CDK14: variants seen among roughly 807,000 people sequenced by gnomAD.
The protein encoded by CDK14 is cyclin dependent kinase 14.
A neutral mutation model predicts 60.7 loss-of-function variants in CDK14; 34 were observed. That is an observed-to-expected ratio of 0.56 (90% CI 0.43 to 0.75). The LOEUF is 0.75. Among genes scored for constraint, CDK14 ranks in the 30% least tolerant of loss-of-function variants. The pLI is 0.00. For synonymous variants in CDK14, 197 were observed against 203.7 expected (o/e 0.97, Z 0.28); for missense variants, 482 against 564.1 (o/e 0.85, Z 1.47).
chr7:90,798,493 C>T (rs2116993540), intron 5 of CDK14, among the ~76,000 whole-genome samples: 1 of 152,260 alleles, frequency 6.6e-6, no homozygotes, highest in Admixed American at 6.5e-5. Flanking sequence ...ATGGTGTGTT[C>T]AACTGAGATA....
chr7:91,140,339 G>A (rs1031418962), intron 14 of CDK14, among the ~76,000 whole-genome samples: 2 of 152,176 alleles, frequency 1.3e-5, no homozygotes, highest in Non-Finnish European at 1.5e-5. Context: ...CATTGTATGA[G>A]GGGATCTGTG....
chr7:90,812,824 T>C (rs1789187597), intron 5 of CDK14, among the ~76,000 whole-genome samples: 1 of 152,190 alleles, frequency 6.6e-6, no homozygotes, highest in Non-Finnish European at 1.5e-5. Flanking sequence ...GAATATCTGC[T>C]TGTGGTACCC....
At chr7:90,917,173 A>G (rs190027764) in intron 7 of CDK14, among the ~76,000 whole-genome samples, 53 of 152,276 alleles carry the variant, frequency 3.5e-4, no homozygotes, top group Non-Finnish European at 6.9e-4. Context: ...TGTTGTTTCT[A>G]TGGAATTAAA....
intron 2 of CDK14, among the ~76,000 whole-genome samples, chr7:90,638,782 T>A (rs1020640491): frequency 6.6e-6 from 1 of 152,166 alleles, no homozygotes; most frequent in African/African-American, 2.4e-5. Flanking sequence ...CAGACGTAGA[T>A]TTGGTCTTTT....
chr7:91,041,831 CCA>C (rs1308590198), intron 10 of CDK14, among the ~76,000 whole-genome samples: 5 of 152,202 alleles, frequency 3.3e-5, no homozygotes, highest in Non-Finnish European at 7.3e-5. Flanking sequence ...TGCAGTCTAG[CCA>C]CAGTGTTATC....
chr7:90,706,805 C>T (rs1801906223), intron 2 of CDK14, among the ~76,000 whole-genome samples: 1 of 152,168 alleles, frequency 6.6e-6, no homozygotes, highest in African/African-American at 2.4e-5. Context: ...GTGCTCAGAT[C>T]CACTTGGTCA....
At chr7:91,196,847 G>T (rs1333467232) in intron 14 of CDK14, among the ~76,000 whole-genome samples, 1 of 152,172 alleles carries the variant, frequency 6.6e-6, no homozygotes, top group Non-Finnish European at 1.5e-5. Context: ...GAAGGCTGCT[G>T]GCTCAGTTCC....
intron 10 of CDK14, among the ~76,000 whole-genome samples, chr7:91,040,158 C>G (rs1797048662): frequency 6.6e-6 from 1 of 152,208 alleles, no homozygotes. Flanking sequence ...TCGCCTTCCA[C>G]CTGCCCTGTC....
intron 4 of CDK14, among the ~76,000 whole-genome samples, chr7:90,784,936 T>G (rs954314323): frequency 6.6e-6 from 1 of 152,234 alleles, no homozygotes; most frequent in African/African-American, 2.4e-5. Context: ...TAAAAATATT[T>G]TTAATAACTT....
chr7:90,973,965 T>G (rs1306872932), intron 9 of CDK14, among the ~76,000 whole-genome samples: 1 of 152,096 alleles, frequency 6.6e-6, no homozygotes, highest in Non-Finnish European at 1.5e-5. Flanking sequence ...CCAATCCTAG[T>G]AAGCCTGAGG....
chr7:90,938,430 A>T (rs1022945316), intron 8 of CDK14, among the ~76,000 whole-genome samples: 1 of 152,194 alleles, frequency 6.6e-6, no homozygotes, highest in East Asian at 1.9e-4. Context: ...CCTCCTTAAA[A>T]GTCCAACTTG....
intron 6 of CDK14, among the ~76,000 whole-genome samples, chr7:90,880,755 C>T (rs1370859238): frequency 6.6e-6 from 1 of 152,094 alleles, no homozygotes; most frequent in East Asian, 1.9e-4. Flanking sequence ...GCTCTGCAGC[C>T]TCCTTGAGTG....
At chr7:90,968,007 C>A (rs943015091) in intron 9 of CDK14, among the ~76,000 whole-genome samples, 1 of 152,132 alleles carries the variant, frequency 6.6e-6, no homozygotes, top group Non-Finnish European at 1.5e-5. Flanking sequence ...GAAGGATGGA[C>A]GTGGAGAATT....
chr7:91,007,804 A>T (rs1415025830), intron 10 of CDK14, among the ~76,000 whole-genome samples: 1 of 152,154 alleles, frequency 6.6e-6, no homozygotes, highest in African/African-American at 2.4e-5. Context: ...AAAAAACAAA[A>T]ATCCTGACAA....
chr7:91,201,276 A>G (rs1802712822), intron 14 of CDK14, among the ~76,000 whole-genome samples: 1 of 152,180 alleles, frequency 6.6e-6, no homozygotes, highest in Admixed American at 6.5e-5. Flanking sequence ...GTCAAATGTT[A>G]GTATTTTTTT....
At chr7:91,004,598 A>G (rs572861780) in intron 10 of CDK14, among the ~76,000 whole-genome samples, 1 of 152,326 alleles carries the variant, frequency 6.6e-6, no homozygotes, top group African/African-American at 2.4e-5. Context: ...AATTGATGTC[A>G]TCTTCTGGTA....
chr7:90,649,244 C>CTTTGTTTCTTTGTTTCTTTGTTTCTTTG lies in CDK14; in HGVS notation c.123+44998_123+44999insGTTTCTTTGTTTCTTTGTTTCTTTGTTT, dbSNP rs1447272273. On this transcript the variant is annotated intron_variant, in intron 2 of 14. Transcript: ENST00000380050. ...AACAGCTCTAGCCTATAGTTTCTTT[C>CTTTGTTTCTTTGTTTCTTTGTTTCTTTG]TTTCTTTCTTTCTTTCTTTCTTTCT... Among the ~76,000 whole-genome samples the CTTTGTTTCTTTGTTTCTTTGTTTCTTTG allele has an allele frequency of 3.4e-4, 9 of 26,652 alleles. No homozygotes were observed. The East Asian group carries it at 3.4e-3, about 10-fold the overall frequency. The allele number at this position is 26,652 out of a possible 152,430, so 17.5% of individuals were successfully genotyped here. A position where few individuals can be genotyped will look rare whatever the true frequency, so the allele number is the denominator to read the frequency against.
intron 8 of CDK14, among the ~76,000 whole-genome samples, chr7:90,921,802 T>C (rs1793261068): frequency 6.6e-6 from 1 of 152,214 alleles, no homozygotes; most frequent in African/African-American, 2.4e-5. Context: ...CATTGGTTTC[T>C]TTCCCATCAG....
intron 3 of CDK14, among the ~76,000 whole-genome samples, chr7:90,732,572 G>C (rs974558105): frequency 3.9e-5 from 6 of 151,974 alleles, no homozygotes; most frequent in African/African-American, 1.5e-4. Context: ...GTTTTAGGAG[G>C]GTGTATGTGT....
Sources: allele counts gnomAD v4.1 joint callset (sites outside exome capture counted in the v4.1 genomes callset), GRCh38; gene constraint gnomAD v4.1.1; transcripts MANE v1.5; gene names NCBI Gene and HGNC (gene_info 2026-07-23, HGNC 2026-07-21).